Variants in NDRG3 observed in about 807,000 individuals in gnomAD.
NDRG3 encodes protein NDRG3.
In NDRG3, 23 loss-of-function variants were observed where a neutral mutation model predicts 57.2. That is an observed-to-expected ratio of 0.40 (90% CI 0.29 to 0.57). NDRG3 has a LOEUF of 0.57. NDRG3 is among the 20% of genes least tolerant of loss of function. NDRG3 has a pLI of 0.42. For synonymous variants in NDRG3, 132 were observed against 162.6 expected (o/e 0.81, Z 1.43); for missense variants, 384 against 457.3 (o/e 0.84, Z 1.46).
chr20:36,739,609 C>T (rs1985816002), intron 1 of NDRG3, among the ~76,000 whole-genome samples: 1 of 151,520 alleles, frequency 6.6e-6, no homozygotes, highest in Non-Finnish European at 1.5e-5. Context: ...AGATCCTGAC[C>T]ATCCTGGCTA....
At chr20:36,683,181 T>C (rs1981467643) in intron 6 of NDRG3, among the ~76,000 whole-genome samples, 1 of 151,530 alleles carries the variant, frequency 6.6e-6, no homozygotes, top group Non-Finnish European at 1.5e-5. Flanking sequence ...GAGGTGGAGC[T>C]TGCAGTGAGC....
At chr20:36,718,176 T>C (rs560745475) in intron 2 of NDRG3, among the ~76,000 whole-genome samples, 1 of 152,176 alleles carries the variant, frequency 6.6e-6, no homozygotes, top group South Asian at 2.1e-4. Context: ...CACAAAACCA[T>C]CCACTTGCTG....
At chr20:36,680,963 T>C (rs926114447) in intron 7 of NDRG3, 61 bp from the exon 8 acceptor site, 4 of 1,393,018 alleles carry the variant, frequency 2.9e-6, no homozygotes, top group Non-Finnish European at 4.1e-6. Flanking sequence ...TTCTAAACAG[T>C]TGGAACATGG....
intron 2 of NDRG3, among the ~76,000 whole-genome samples, chr20:36,711,425 G>A (rs1472940882): frequency 6.6e-6 from 1 of 152,040 alleles, no homozygotes; most frequent in Non-Finnish European, 1.5e-5. Flanking sequence ...GGTTCCTTTA[G>A]GGATTATTTT....
intron 5 of NDRG3, 86 bp from the exon 6 acceptor site, chr20:36,684,561 G>A (rs1265736948): frequency 8.1e-7 from 1 of 1,228,300 alleles, no homozygotes; most frequent in Non-Finnish European, 1.2e-6. Flanking sequence ...AGAAGTCTTA[G>A]ATAAAAGGCT....
chr20:36,745,801 C>T (rs1986160972), intron 1 of NDRG3, among the ~76,000 whole-genome samples: 1 of 152,058 alleles, frequency 6.6e-6, no homozygotes, highest in Non-Finnish European at 1.5e-5. Flanking sequence ...TCTCTTGCTA[C>T]CCACACGCTG....
In NDRG3 at chr20:36,660,323, A is replaced by G. The variant is rs772130372; in HGVS notation, c.858+14T>C. 29 of 1,594,276 alleles carry G rather than the reference A, an allele frequency of 1.8e-5. No individual in the cohort carries two copies. Among genetic ancestry groups the G allele is most frequent in the Non-Finnish European group, 2.1e-5 (25 of 1,165,374 alleles). On this transcript the variant is annotated intron_variant, in intron 13 of 15. Coordinates refer to ENST00000349004, the MANE Select transcript of NDRG3 (RefSeq NM_032013.4). ...ACATATAAGGGTTGGAAGTGAGGGA[A>G]GAAGGCACATTACCTTTAGCAAAGT...
At chr20:36,670,626 A>G (rs1401720190) in intron 9 of NDRG3, among the ~76,000 whole-genome samples, 1 of 152,202 alleles carries the variant, frequency 6.6e-6, no homozygotes, top group East Asian at 1.9e-4. Flanking sequence ...GCACATCTAA[A>G]GTATTATAAA....
intron 2 of NDRG3, among the ~76,000 whole-genome samples, chr20:36,712,338 A>AT (rs1333895582): frequency 1.3e-5 from 2 of 150,716 alleles, no homozygotes; most frequent in African/African-American, 4.9e-5. Flanking sequence ...GGGCATTCTA[A>AT]AAGGCTGAGT....
chr20:36,683,777 T>A (rs1415187933), intron 6 of NDRG3, among the ~76,000 whole-genome samples: 1 of 151,586 alleles, frequency 6.6e-6, no homozygotes, highest in Non-Finnish European at 1.5e-5. Flanking sequence ...ATCCAACCCA[T>A]CAGCAAGTCA....
chr20:36,712,374 CTTGT>C (rs1342972459), intron 2 of NDRG3, among the ~76,000 whole-genome samples: 1 of 145,758 alleles, frequency 6.9e-6, no homozygotes, highest in Non-Finnish European at 1.5e-5. Flanking sequence ...TCCCTAGAGA[CTTGT>C]TTCTTTTTCT....
chr20:36,711,403 A>G lies in NDRG3; in HGVS notation c.58-4396T>C, dbSNP rs1179368834. Among the ~76,000 whole-genome samples, 3 of 152,246 alleles carry G rather than the reference A, an allele frequency of 2.0e-5. No homozygotes were observed. In the East Asian group the frequency reaches 5.8e-4, roughly 29 times the overall value. On this transcript the variant is annotated intron_variant, in intron 2 of 15. Coordinates refer to ENST00000349004, the MANE Select transcript of NDRG3 (RefSeq NM_032013.4). Reference sequence around the variant, plus strand: ...GACCATATTAGGGCTTCAATCTAACAGAATTCCCAAAGGTTCCTTTAGGGA... The same window carrying G: ...GACCATATTAGGGCTTCAATCTAACGGAATTCCCAAAGGTTCCTTTAGGGA...
chr20:36,720,158 A>C (rs1397238441), intron 2 of NDRG3, among the ~76,000 whole-genome samples: 1 of 151,668 alleles, frequency 6.6e-6, no homozygotes, highest in Non-Finnish European at 1.5e-5. Context: ...AATAAGGAAC[A>C]AGAGAGAAAA....
At chr20:36,677,981 A>G (rs1045333619) in intron 8 of NDRG3, among the ~76,000 whole-genome samples, 22 of 151,850 alleles carry the variant, frequency 1.4e-4, no homozygotes, top group Admixed American at 3.9e-4. Flanking sequence ...AGAATCACCC[A>G]TTTTTTACTC....
At chr20:36,687,991 T>A (rs574549391) in intron 4 of NDRG3, among the ~76,000 whole-genome samples, 2 of 152,350 alleles carry the variant, frequency 1.3e-5, no homozygotes, top group Non-Finnish European at 2.9e-5. Flanking sequence ...GTGGCGTGAA[T>A]GTCCTGAGCT....
intron 2 of NDRG3, among the ~76,000 whole-genome samples, chr20:36,707,411 TGAA>T (rs1160897933): frequency 6.6e-6 from 1 of 151,570 alleles, no homozygotes; most frequent in Non-Finnish European, 1.5e-5. Flanking sequence ...CTGAGAAAGG[TGAA>T]GGAGAACAGG....
At chr20:36,710,851 G>A (rs1199995054) in intron 2 of NDRG3, among the ~76,000 whole-genome samples, 2 of 148,028 alleles carry the variant, frequency 1.4e-5, no homozygotes, top group African/African-American at 2.5e-5. Context: ...ATGGTGGAGC[G>A]TGCCTGTAGT....
intron 3 of NDRG3, among the ~76,000 whole-genome samples, chr20:36,693,141 T>TATATAC (rs1323122806): frequency 4.6e-4 from 16 of 34,618 alleles, no homozygotes; most frequent in African/African-American, 7.4e-4. Flanking sequence ...TATATATATA[T>TATATAC]ACACACACAC....
intron 1 of NDRG3, among the ~76,000 whole-genome samples, chr20:36,726,399 G>C (rs1218922429): frequency 1.3e-5 from 2 of 152,192 alleles, no homozygotes; most frequent in African/African-American, 4.8e-5. Flanking sequence ...TGGCAACTTG[G>C]CAGTAGACAT....
Sources: gnomAD v4.1 joint callset for allele counts (sites outside exome capture counted in the v4.1 genomes callset) on GRCh38, gnomAD v4.1.1 for gene constraint, MANE v1.5 for transcripts, NCBI Gene and HGNC (gene_info 2026-07-23, HGNC 2026-07-21) for gene names.